The following PTPN4 variants were observed in gnomAD, a reference collection of about 807,000 sequenced individuals.
PTPN4 encodes tyrosine-protein phosphatase non-receptor type 4.
Under a neutral mutation model 135.5 loss-of-function variants are expected in PTPN4, and 49 were observed. The observed-to-expected ratio is 0.36, with a 90% confidence interval of 0.29 to 0.46. The LOEUF is 0.46. Ranked by LOEUF, PTPN4 falls within the 20% of genes least tolerant of loss-of-function variation. The pLI is 1.00. For synonymous variants in PTPN4, 333 were observed against 369.9 expected, an observed-to-expected ratio of 0.90 and a Z score of 1.14; for missense variants, 860 against 1,101.0, an observed-to-expected ratio of 0.78 and a Z score of 3.10.
chr2:119,871,661 T>C (rs1677911975), intron 3 of PTPN4, among the ~76,000 whole-genome samples: 2 of 152,050 alleles, frequency 1.3e-5, no homozygotes, highest in Non-Finnish European at 2.9e-5. Context: ...GGAAGAGCCA[T>C]AATAAAGGAC....
rs548270558 is a variant in PTPN4 at position 119,862,011 on chromosome 2, G to A, written c.139-525G>A. ...ATTATAATACAAAATTATATTTTAA[G>A]TAATATTTAGCCAAATATGTCACTT... On this transcript the variant is annotated intron_variant, in intron 2 of 26. Coordinates refer to ENST00000263708, the MANE Select transcript of PTPN4 (RefSeq NM_002830.4). 2.6e-5 allele frequency among the ~76,000 whole-genome samples: 4 copies of A among 152,102 alleles called. No homozygotes were observed. The South Asian group carries it at 6.2e-4, about 24-fold the overall frequency.
At chr2:119,911,153 G>A (rs1226909563) in intron 10 of PTPN4, among the ~76,000 whole-genome samples, 1 of 151,048 alleles carries the variant, frequency 6.6e-6, no homozygotes. Flanking sequence ...GAAGGAACAT[G>A]GTTTATGTGA....
chr2:119,834,847 A>G (rs1485887532), intron 2 of PTPN4, among the ~76,000 whole-genome samples: 5 of 152,212 alleles, frequency 3.3e-5, no homozygotes, highest in Non-Finnish European at 7.3e-5. Context: ...GAGTCAGTCC[A>G]TATACACTGA....
At chr2:119,963,566 G>A (rs1173335930) in intron 24 of PTPN4, among the ~76,000 whole-genome samples, 1 of 152,186 alleles carries the variant, frequency 6.6e-6, no homozygotes, top group Non-Finnish European at 1.5e-5. Flanking sequence ...CCAAGAGCAT[G>A]ATTAAAGGAA....
At chr2:119,955,070 CATT>C (rs1461135475) in intron 19 of PTPN4, 84 bp from the exon 20 acceptor site, 2 of 1,220,486 alleles carry the variant, frequency 1.6e-6, no homozygotes, top group East Asian at 2.4e-5. Flanking sequence ...TTGAACAAAA[CATT>C]ATACAGTGTA....
intron 2 of PTPN4, among the ~76,000 whole-genome samples, chr2:119,847,330 T>A (rs56892993): frequency 0.2 from 13,979 of 71,476 alleles, 1,216 homozygotes; most frequent in Non-Finnish European, 0.24. Flanking sequence ...ATATATATAT[T>A]TTTTTTTTTT....
chr2:119,768,989 T>C (rs1365683856), intron 1 of PTPN4, among the ~76,000 whole-genome samples: 1 of 152,200 alleles, frequency 6.6e-6, no homozygotes, highest in Non-Finnish European at 1.5e-5. Context: ...CTGCATAGCC[T>C]CTGAGTATCT....
intron 1 of PTPN4, among the ~76,000 whole-genome samples, chr2:119,776,425 C>T (rs546110065): frequency 1.1e-3 from 174 of 152,314 alleles, no homozygotes; most frequent in African/African-American, 3.8e-3. Context: ...CCGCCCTCCT[C>T]GGCCTCCCAA....
At position 119,967,920 on chromosome 2, in the gene PTPN4, T is replaced by A; in HGVS notation, c.2642T>A (p.Leu881Gln). The A allele has an allele frequency of 6.2e-7, 1 of 1,610,942 alleles. No homozygotes were observed. The highest frequency in any genetic ancestry group is 8.5e-7 in the Non-Finnish European group (1 of 1,177,706). ...LIECNQPVYP[L>Q]DIVRTMRDQR... The stretch of plus-strand genomic sequence containing the variant: ...GAATGCAATCAGCCAGTTTATCCAC[T>A]AGATATTGTAAGAACAATGAGAGAT... Residue 881 changes from leucine to glutamine, a missense_variant, in exon 26 of 27, where the codon CTA becomes CAA. By Grantham distance (113) the Leu-to-Gln change is moderately radical. This residue lies in a region of PTPN4 where 176 missense variants were observed against 294.1 expected (regional missense o/e 0.60). Transcript: ENST00000263708.
intron 24 of PTPN4, among the ~76,000 whole-genome samples, chr2:119,964,910 C>G (rs778762761): frequency 6.6e-6 from 1 of 152,096 alleles, no homozygotes; most frequent in Admixed American, 6.5e-5. Context: ...CAATAACAGA[C>G]GAATACACTG....
intron 2 of PTPN4, among the ~76,000 whole-genome samples, chr2:119,857,505 G>C (rs1360548520): frequency 6.6e-6 from 1 of 151,118 alleles, no homozygotes; most frequent in East Asian, 2.0e-4. Flanking sequence ...CTGCACTCCA[G>C]CCTGGGTGAC....
At chr2:119,831,567 C>T (rs1187348920) in intron 2 of PTPN4, among the ~76,000 whole-genome samples, 1 of 152,106 alleles carries the variant, frequency 6.6e-6, no homozygotes. Context: ...TTTAGGATTG[C>T]TATGTCTTAT....
chr2:119,950,426 CT>C (rs1189962487), intron 18 of PTPN4, among the ~76,000 whole-genome samples: 1 of 152,186 alleles, frequency 6.6e-6, no homozygotes, highest in Non-Finnish European at 1.5e-5. Context: ...ATTATCTCAT[CT>C]TCACAACAAC....
chr2:119,827,279 T>C (rs1450888707), intron 2 of PTPN4, among the ~76,000 whole-genome samples: 2 of 152,300 alleles, frequency 1.3e-5, no homozygotes, highest in East Asian at 1.9e-4. Context: ...TGGGGGGAAA[T>C]CTATTTGAGT....
intron 14 of PTPN4, among the ~76,000 whole-genome samples, chr2:119,933,122 A>G (rs1486759805): frequency 6.6e-6 from 1 of 152,158 alleles, no homozygotes; most frequent in Non-Finnish European, 1.5e-5. Flanking sequence ...CAAAAGTTGT[A>G]TGTTTTGGTA....
At chr2:119,931,579 G>A (rs1678908363) in intron 13 of PTPN4, among the ~76,000 whole-genome samples, 1 of 151,314 alleles carries the variant, frequency 6.6e-6, no homozygotes, top group Non-Finnish European at 1.5e-5. Context: ...AAGTAGCTTG[G>A]ACTACAGGCA....
In PTPN4 at chr2:119,877,845, A is replaced by C. The variant is rs878908002; in HGVS notation, c.368+303A>C. On this transcript the variant is annotated intron_variant, in intron 5 of 26. Coordinates refer to ENST00000263708, the MANE Select transcript of PTPN4 (RefSeq NM_002830.4). Reference sequence around the variant, plus strand: ...TGGCTATAATTAATTGAGGTCATCAAATGTGCTGAAATTGTATCCAAAGGA... The same window carrying C: ...TGGCTATAATTAATTGAGGTCATCACATGTGCTGAAATTGTATCCAAAGGA... Among the ~76,000 whole-genome samples, 7 of 152,116 alleles carry C rather than the reference A, an allele frequency of 4.6e-5. 1 individual carries two copies. The highest frequency in any genetic ancestry group is 4.6e-4 in the Admixed American group (7 of 15,280).
chr2:119,835,148 CAGTA>C (rs1192133178), intron 2 of PTPN4, among the ~76,000 whole-genome samples: 5 of 152,130 alleles, frequency 3.3e-5, no homozygotes, highest in African/African-American at 1.2e-4. Flanking sequence ...AGTTATCCAT[CAGTA>C]AGTAATCTTT....
At chr2:119,867,932 G>A (rs1247120847) in intron 3 of PTPN4, among the ~76,000 whole-genome samples, 1 of 151,876 alleles carries the variant, frequency 6.6e-6, no homozygotes, top group East Asian at 1.9e-4. Context: ...ATTCATTATT[G>A]CACTGGCCGA....
Sources: allele counts gnomAD v4.1 joint callset (sites outside exome capture counted in the v4.1 genomes callset), GRCh38; gene constraint gnomAD v4.1.1; regional missense constraint gnomAD v4.1.1; transcripts MANE v1.5; gene names NCBI Gene and HGNC (gene_info 2026-07-23, HGNC 2026-07-21).